CLEC16A: variants seen among roughly 807,000 people sequenced by gnomAD.
The protein encoded by CLEC16A is C-type lectin domain containing 16A, also known as protein CLEC16A.
A neutral mutation model predicts 109.5 loss-of-function variants in CLEC16A; 51 were observed. The observed-to-expected ratio is 0.47, with a 90% CI of 0.37 to 0.59. The LOEUF (loss-of-function observed/expected upper bound fraction) is 0.59, where lower values mean the gene tolerates loss of function less well. Among genes scored for constraint, CLEC16A ranks in the 20% least tolerant of loss-of-function variants. The pLI is 0.00. For synonymous variants in CLEC16A, 673 were observed against 564.2 expected (o/e 1.19, Z -2.73); for missense variants, 1,339 against 1,394.0 (o/e 0.96, Z 0.63).
chr16:10,971,456 A>G (rs1483886216), intron 5 of CLEC16A: 5 of 676,132 alleles, frequency 7.4e-6, no homozygotes, highest in South Asian at 1.3e-4. Flanking sequence ...ATGCTGCTAC[A>G]TAGAAGTAGG....
chr16:11,059,009 G>A (rs2048348863), intron 18 of CLEC16A, among the ~76,000 whole-genome samples: 1 of 152,178 alleles, frequency 6.6e-6, no homozygotes, highest in African/African-American at 2.4e-5. Context: ...GGACTGCCAT[G>A]GATGTTTAAG....
At chr16:11,077,626 T>G (rs932666685) in intron 19 of CLEC16A, among the ~76,000 whole-genome samples, 1 of 151,974 alleles carries the variant, frequency 6.6e-6, no homozygotes, top group Non-Finnish European at 1.5e-5. Context: ...GCCACTGCAC[T>G]TCAGCCTAGG....
chr16:11,017,406 CTAT>C (rs1333035272), intron 11 of CLEC16A, among the ~76,000 whole-genome samples: 3 of 152,224 alleles, frequency 2.0e-5, no homozygotes, highest in African/African-American at 4.8e-5. Flanking sequence ...ACAATGAATG[CTAT>C]TATTATTAAG....
intron 22 of CLEC16A, among the ~76,000 whole-genome samples, chr16:11,145,848 T>G (rs183723768): frequency 6.6e-6 from 1 of 152,314 alleles, no homozygotes; most frequent in African/African-American, 2.4e-5. Flanking sequence ...TCTCCTCTAC[T>G]TAGATTCTTC....
chr16:11,083,677 T>C (rs557886162), intron 19 of CLEC16A, among the ~76,000 whole-genome samples: 2 of 152,240 alleles, frequency 1.3e-5, no homozygotes, highest in Admixed American at 1.3e-4. Flanking sequence ...CCTCCAACAC[T>C]GATTTGGGCT....
chr16:11,172,954 G>T (rs2068587036), intron 23 of CLEC16A, among the ~76,000 whole-genome samples: 1 of 152,070 alleles, frequency 6.6e-6, no homozygotes, highest in South Asian at 2.1e-4. Flanking sequence ...GTCCCCTGAG[G>T]TTTTATAGAA....
At chr16:11,011,324 CCTT>C (rs1244770467) in intron 11 of CLEC16A, among the ~76,000 whole-genome samples, 2 of 151,058 alleles carry the variant, frequency 1.3e-5, no homozygotes, top group Non-Finnish European at 3.0e-5. Flanking sequence ...AAGACCTTTC[CCTT>C]CTTCTCATTT....
intron 1 of CLEC16A, among the ~76,000 whole-genome samples, chr16:10,952,260 G>C (rs1054704985): frequency 6.6e-6 from 1 of 152,188 alleles, no homozygotes; most frequent in Non-Finnish European, 1.5e-5. Flanking sequence ...TTGGGAAGCC[G>C]AGGCAGGCAG....
intron 2 of CLEC16A, among the ~76,000 whole-genome samples, chr16:10,960,397 C>G (rs1255490430): frequency 6.6e-6 from 1 of 152,168 alleles, no homozygotes; most frequent in Non-Finnish European, 1.5e-5. Flanking sequence ...GTCTCCCAAT[C>G]TGGGTTTGTC....
At position 10,957,845 on chromosome 16, in the gene CLEC16A, G is replaced by A. The variant is rs2145945454; in HGVS notation, c.144G>A (p.Val48=). 1 of 1,613,706 alleles carries A rather than the reference G, an allele frequency of 6.2e-7. No homozygotes were observed. Among genetic ancestry groups the A allele is most frequent in the Non-Finnish European group, 8.5e-7 (1 of 1,179,638 alleles). The change falls in exon 2 of 24, where the codon GTG becomes GTA. Residue 48 remains valine (V), a synonymous_variant. Coordinates refer to ENST00000409790, the MANE Select transcript of CLEC16A (RefSeq NM_015226.3). ...CAGAACAGAACCGGAACCTGCTAGT[G>A]GAGACCATCCGTTCCATCACTGAGA... The part of the protein sequence containing the change: ...TVTEQNRNLL[V]ETIRSITEIL...
At chr16:11,125,904 T>TGGGGGGGGG in intron 21 of CLEC16A, 75 bp from the exon 22 acceptor site, 1 of 182,596 alleles carries the variant, frequency 5.5e-6, no homozygotes, top group Non-Finnish European at 1.1e-5. Context: ...CACTACGATG[T>TGGGGGGGGG]CCCCCCCCCC....
At chr16:10,948,222 A>G (rs2041532274) in intron 1 of CLEC16A, among the ~76,000 whole-genome samples, 1 of 152,112 alleles carries the variant, frequency 6.6e-6, no homozygotes. Context: ...ACAGTTTGAG[A>G]TTTACAGAAA....
chr16:11,033,158 T>C (rs1189303440), intron 13 of CLEC16A, among the ~76,000 whole-genome samples: 4 of 152,046 alleles, frequency 2.6e-5, no homozygotes, highest in Non-Finnish European at 2.9e-5. Context: ...ATGGATTGAA[T>C]GTAGGGGTCG....
intron 13 of CLEC16A, among the ~76,000 whole-genome samples, chr16:11,036,651 G>A (rs1345638990): frequency 6.7e-6 from 1 of 149,150 alleles, no homozygotes; most frequent in Non-Finnish European, 1.5e-5. Flanking sequence ...CTGGGTTCAA[G>A]CAATTCTCAT....
intron 19 of CLEC16A, 96 bp downstream of exon 19, chr16:11,061,118 G>A (rs972017418): frequency 7.4e-7 from 1 of 1,346,428 alleles, no homozygotes; most frequent in Non-Finnish European, 9.8e-7. Context: ...GGGTCAGTGT[G>A]CAACCTACAT....
intron 13 of CLEC16A, among the ~76,000 whole-genome samples, chr16:11,025,882 T>C (rs2046378912): frequency 6.6e-6 from 1 of 152,198 alleles, no homozygotes; most frequent in African/African-American, 2.4e-5. Context: ...CCGGTTTCTC[T>C]TGTGTCTTTT....
chr16:11,087,245 A>C (rs1597342442), intron 19 of CLEC16A, among the ~76,000 whole-genome samples: 1 of 138,168 alleles, frequency 7.2e-6, no homozygotes, highest in African/African-American at 2.7e-5. Context: ...TATAGTCTGC[A>C]CACAAGGTGG....
chr16:10,995,140 A>G (rs1487763841), intron 10 of CLEC16A, among the ~76,000 whole-genome samples: 2 of 152,210 alleles, frequency 1.3e-5, no homozygotes, highest in Admixed American at 6.5e-5. Flanking sequence ...GTGTTCACTG[A>G]GTATTCAGGA....
At chr16:11,129,802 G>A (rs1028350409) in intron 22 of CLEC16A, among the ~76,000 whole-genome samples, 7 of 141,318 alleles carry the variant, frequency 5.0e-5, no homozygotes, top group African/African-American at 8.2e-5. Flanking sequence ...TCTCTCTGTC[G>A]CCCAGGCTGG....
Sources: gnomAD v4.1 joint callset for allele counts (sites outside exome capture counted in the v4.1 genomes callset) on GRCh38, gnomAD v4.1.1 for gene constraint, MANE v1.5 for transcripts, NCBI Gene and HGNC (gene_info 2026-07-23, HGNC 2026-07-21) for gene names.